The following FER1L6 variants were observed in gnomAD, a reference collection of about 807,000 sequenced individuals.
FER1L6 encodes the protein fer-1 like family member 6.
FER1L6 carries 177 observed loss-of-function variants against 219.2 expected under a neutral mutation model. The ratio of observed to expected loss-of-function variants is 0.81; its 90% CI spans 0.71 to 0.91. The LOEUF is 0.91. Ranked by LOEUF, FER1L6 falls within the 40% of genes least tolerant of loss-of-function variation. The probability of loss-of-function intolerance (pLI) is 0.00; values close to 1 mark genes in which losing one functional copy is unlikely to be tolerated. For synonymous variants in FER1L6, 768 were observed against 824.3 expected (o/e 0.93, Z 1.17); for missense variants, 2,153 against 2,259.9 (o/e 0.95, Z 0.96).
At chr8:123,904,186 C>T (rs1159044789) in intron 1 of FER1L6, among the ~76,000 whole-genome samples, 1 of 149,096 alleles carries the variant, frequency 6.7e-6, no homozygotes, top group Non-Finnish European at 1.5e-5. Context: ...TCCTGAGTGA[C>T]AGAAGCATTT....
At chr8:123,984,133 C>T (rs958297816) in intron 11 of FER1L6, 3 of 151,760 alleles carry the variant, frequency 2.0e-5, no homozygotes, top group African/African-American at 7.3e-5. Flanking sequence ...TTTTGACTGC[C>T]ATTTATGGTG....
chr8:124,065,734 T>C (rs1820803650), intron 26 of FER1L6, among the ~76,000 whole-genome samples: 1 of 152,178 alleles, frequency 6.6e-6, no homozygotes, highest in Non-Finnish European at 1.5e-5. Flanking sequence ...AGTGCCTGGG[T>C]CATAGTACAA....
chr8:123,853,980 G>T lies in FER1L6; in HGVS notation c.-8+1795G>T, dbSNP rs1816578896. ...GCCTGGCTCTCAGGGAAGCATCAGG[G>T]ACCGTGATTAGAAAGTTTACGTCTG... On this transcript the variant is annotated intron_variant, in intron 1 of 40. Transcript: ENST00000522917. The surrounding 1 kb of genome is among the most constrained non-coding windows in gnomAD (Gnocchi z 6.6). 6.6e-6 allele frequency among the ~76,000 whole-genome samples: 1 copy of T among 152,174 alleles called. No homozygotes were observed. The highest frequency in any genetic ancestry group is 2.4e-5 in the African/African-American group (1 of 41,440).
intron 1 of FER1L6, among the ~76,000 whole-genome samples, chr8:123,928,724 T>C (rs1813657296): frequency 6.6e-6 from 1 of 152,198 alleles, no homozygotes; most frequent in South Asian, 2.1e-4. Context: ...GGTTTGCAAT[T>C]AAGAAATCCA....
At chr8:124,110,284 A>G (rs1281983169) in intron 39 of FER1L6, among the ~76,000 whole-genome samples, 1 of 152,188 alleles carries the variant, frequency 6.6e-6, no homozygotes, top group Non-Finnish European at 1.5e-5. Context: ...ATATATAATC[A>G]ATCCCAATTT....
intron 1 of FER1L6, among the ~76,000 whole-genome samples, chr8:123,919,437 CCTGTA>C (rs1237506938): frequency 1.3e-5 from 2 of 152,110 alleles, no homozygotes; most frequent in Non-Finnish European, 2.9e-5. Flanking sequence ...AGCAGCAGGC[CCTGTA>C]CTTGAAAAGC....
At chr8:124,085,241 A>AATC (rs1158262155) in intron 33 of FER1L6, among the ~76,000 whole-genome samples, 1 of 151,928 alleles carries the variant, frequency 6.6e-6, no homozygotes. Context: ...TCATTTTGTT[A>AATC]ATCTTATCTC....
At chr8:123,997,305 G>A (rs1284563813) in intron 12 of FER1L6, among the ~76,000 whole-genome samples, 2 of 152,020 alleles carry the variant, frequency 1.3e-5, no homozygotes, top group African/African-American at 4.8e-5. Flanking sequence ...AAGGGTTTTT[G>A]TTGTTATTGT....
intron 1 of FER1L6, among the ~76,000 whole-genome samples, chr8:123,926,783 T>C (rs1488897402): frequency 6.6e-6 from 1 of 152,222 alleles, no homozygotes; most frequent in African/African-American, 2.4e-5. Context: ...TGAAGCTATT[T>C]ATTGTCTAAG....
At chr8:123,953,256 C>T (rs1333369435) in intron 1 of FER1L6, among the ~76,000 whole-genome samples, 1 of 152,178 alleles carries the variant, frequency 6.6e-6, no homozygotes, top group Admixed American at 6.5e-5. Flanking sequence ...GTTTGTGATA[C>T]TAACATCAGC....
chr8:124,097,800 G>C lies in FER1L6; in HGVS notation c.4800G>C (p.Val1600=), dbSNP rs530247698. The change falls in exon 37 of 41, where the codon GTG becomes GTC. Residue 1600 remains valine, a synonymous_variant. Transcript: ENST00000522917. The stretch of plus-strand genomic sequence containing the variant: ...CCCATCCCAGATACGAATTGAGAGT[G>C]ACCATCTGGAACACTGAAGATGTCA... ...PRRPKGYELR[V]TIWNTEDVIL... 6.3e-7 allele frequency: 1 copy of C among 1,592,640 alleles called. No individual in the cohort carries two copies. Among genetic ancestry groups the C allele is most frequent in the South Asian group, 1.1e-5 (1 of 90,666 alleles).
intron 22 of FER1L6, among the ~76,000 whole-genome samples, chr8:124,056,734 C>A (rs1820314829): frequency 6.6e-6 from 1 of 152,132 alleles, no homozygotes; most frequent in Admixed American, 6.5e-5. Context: ...GGAAAGCAGG[C>A]TGATCCTTAC....
At chr8:124,118,715 T>C (rs1823351519) in intron 39 of FER1L6, 129 bp from the exon 40 acceptor site, 3 of 785,044 alleles carry the variant, frequency 3.8e-6, no homozygotes, top group Non-Finnish European at 6.0e-6. Flanking sequence ...ACAACATTTA[T>C]CAAAATAAAG....
intron 1 of FER1L6, among the ~76,000 whole-genome samples, chr8:123,885,065 G>A (rs1393859000): frequency 1.3e-5 from 2 of 152,294 alleles, no homozygotes; most frequent in African/African-American, 2.4e-5. Flanking sequence ...TGATGCACCT[G>A]CAAGCCACAG....
rs780666862 is a variant in FER1L6, at chr8:124,062,079, G to A, written c.3328+47G>A. The A allele has an allele frequency of 5.0e-6, 8 of 1,597,252 alleles. No homozygotes were observed. The Admixed American group carries it at 1.0e-4, about 20-fold the overall frequency. On this transcript the variant is annotated intron_variant, in intron 25 of 40. Transcript: ENST00000522917. ...TTGTAGCTGTAACTATAAAGTCATG[G>A]TGCCTGCAGAGTGCCTGCTGTGGGA...
At chr8:124,015,541 G>A (rs1298501290) in intron 15 of FER1L6, among the ~76,000 whole-genome samples, 1 of 105,230 alleles carries the variant, frequency 9.5e-6, no homozygotes, top group Non-Finnish European at 2.0e-5. Flanking sequence ...AAAAGAAATA[G>A]TTTTTGTTTC....
chr8:124,064,163 T>C (rs10808531), intron 25 of FER1L6, among the ~76,000 whole-genome samples, 184 bp from the exon 26 acceptor site: 127,987 of 152,244 alleles, frequency 0.84, 53,895 homozygotes, highest in Non-Finnish European at 0.86. Context: ...ATCGTGGTCT[T>C]ATTTCATCCT....
chr8:124,052,726 T>C (rs1820103722), intron 22 of FER1L6, among the ~76,000 whole-genome samples: 1 of 152,018 alleles, frequency 6.6e-6, no homozygotes, highest in African/African-American at 2.4e-5. Flanking sequence ...CAGAAGTTGC[T>C]GTGAGCCGAG....
At chr8:123,933,368 A>ATG (rs1491259026) in intron 1 of FER1L6, among the ~76,000 whole-genome samples, 2,469 of 137,536 alleles carry the variant, frequency 0.018, 43 homozygotes, top group South Asian at 0.067. Context: ...CTATCATAGC[A>ATG]TATGTGTGTC....
Sources: allele counts gnomAD v4.1 joint callset (sites outside exome capture counted in the v4.1 genomes callset), GRCh38; gene constraint gnomAD v4.1.1; non-coding constraint Gnocchi (gnomAD v3.1); transcripts MANE v1.5; gene names NCBI Gene and HGNC (gene_info 2026-07-23, HGNC 2026-07-21).